TMEM135: variants seen among roughly 807,000 people sequenced by gnomAD.
The protein encoded by TMEM135 is peroxisomal membrane protein 52.
A neutral mutation model predicts 60.3 loss-of-function variants in TMEM135; 30 were observed. The observed-to-expected ratio is 0.50, with a 90% confidence interval of 0.37 to 0.68. The LOEUF (loss-of-function observed/expected upper bound fraction) is 0.68, where lower values mean the gene tolerates loss of function less well. Ranked by LOEUF, TMEM135 falls within the 30% of genes least tolerant of loss-of-function variation. The pLI is 0.00. For missense variants in TMEM135, 468 were observed against 548.8 expected (o/e 0.85, Z 1.47); for synonymous variants, 190 against 186.7 (o/e 1.02, Z -0.14).
At chr11:87,038,551 C>T (rs902116498) in intron 1 of TMEM135, among the ~76,000 whole-genome samples, 1 of 149,314 alleles carries the variant, frequency 6.7e-6, no homozygotes, top group Non-Finnish European at 1.5e-5. Flanking sequence ...TGTAGGTCAG[C>T]GAGGCTATGA....
At chr11:87,135,899 T>C (rs1402316896) in intron 4 of TMEM135, among the ~76,000 whole-genome samples, 1 of 152,068 alleles carries the variant, frequency 6.6e-6, no homozygotes, top group African/African-American at 2.4e-5. Flanking sequence ...TATTTATGTT[T>C]TCTTTAATTT....
intron 1 of TMEM135, among the ~76,000 whole-genome samples, chr11:87,064,654 G>T (rs534286600): frequency 6.6e-6 from 1 of 152,174 alleles, no homozygotes; most frequent in Non-Finnish European, 1.5e-5. Context: ...AGGCCGAGGT[G>T]GGCGGATCGC....
At chr11:87,176,135 C>T (rs1322815762) in intron 5 of TMEM135, among the ~76,000 whole-genome samples, 1 of 151,960 alleles carries the variant, frequency 6.6e-6, no homozygotes, top group Non-Finnish European at 1.5e-5. Context: ...GGAGGTGGGG[C>T]CTAATGGGAG....
At chr11:87,318,716 G>A (rs1942772498) in intron 13 of TMEM135, among the ~76,000 whole-genome samples, 1 of 152,032 alleles carries the variant, frequency 6.6e-6, no homozygotes, top group Non-Finnish European at 1.5e-5. Flanking sequence ...TGTTAGGGCT[G>A]TTGTAAAATT....
intron 5 of TMEM135, among the ~76,000 whole-genome samples, chr11:87,178,760 C>CT (rs1053132413): frequency 1.6e-4 from 24 of 151,736 alleles, no homozygotes; most frequent in Non-Finnish European, 3.2e-4. Context: ...CATATCAGTA[C>CT]TTTTTTTTTC....
At chr11:87,172,500 T>G (rs1297477929) in intron 5 of TMEM135, among the ~76,000 whole-genome samples, 3 of 152,068 alleles carry the variant, frequency 2.0e-5, no homozygotes, top group Non-Finnish European at 4.4e-5. Flanking sequence ...GAATGGATTT[T>G]TTTTAAACCT....
chr11:87,142,176 C>G lies in TMEM135; in HGVS notation c.397-15165C>G, dbSNP rs78042830. 4.3e-3 allele frequency among the ~76,000 whole-genome samples: 652 copies of G among 152,274 alleles called. 6 individuals carry two copies. The highest frequency in any genetic ancestry group is 0.015 in the African/African-American group (624 of 41,550). On this transcript the variant is annotated intron_variant, in intron 4 of 14. Transcript: ENST00000305494. ...TGGTCTGTAGAAGAGTCCACTCTTG[C>G]CAGAGCATGGATGAGCTCGAGCAGG...
chr11:87,094,034 T>A (rs897798269), intron 4 of TMEM135, among the ~76,000 whole-genome samples: 1 of 152,198 alleles, frequency 6.6e-6, no homozygotes, highest in Non-Finnish European at 1.5e-5. Context: ...ATTCATTTCT[T>A]CATATGATTT....
chr11:87,140,534 A>G (rs1938233586), intron 4 of TMEM135, among the ~76,000 whole-genome samples: 1 of 152,212 alleles, frequency 6.6e-6, no homozygotes, highest in Non-Finnish European at 1.5e-5. Context: ...GGTCCCTGGT[A>G]CAAGGAGAGG....
At chr11:87,149,497 A>G (rs530416683) in intron 4 of TMEM135, among the ~76,000 whole-genome samples, 1 of 152,158 alleles carries the variant, frequency 6.6e-6, no homozygotes. Flanking sequence ...TTATATTTGC[A>G]CCTGCTTTCT....
chr11:87,183,270 G>A (rs1358080335), intron 5 of TMEM135, among the ~76,000 whole-genome samples: 1 of 151,170 alleles, frequency 6.6e-6, no homozygotes, highest in Non-Finnish European at 1.5e-5. Context: ...AGCCTCCTGA[G>A]TAGTTGGGAT....
chr11:87,144,202 TA>T (rs1172359396), intron 4 of TMEM135, among the ~76,000 whole-genome samples: 17 of 151,908 alleles, frequency 1.1e-4, no homozygotes, highest in Admixed American at 1.0e-3. Context: ...TATTGCTTAT[TA>T]AAAAAAACAA....
chr11:87,182,936 G>A (rs1939555484), intron 5 of TMEM135, among the ~76,000 whole-genome samples: 2 of 151,840 alleles, frequency 1.3e-5, no homozygotes, highest in African/African-American at 2.4e-5. Flanking sequence ...TATGGTATTA[G>A]ATAGAATTTT....
At chr11:87,137,809 C>T (rs537703444) in intron 4 of TMEM135, among the ~76,000 whole-genome samples, 20 of 152,126 alleles carry the variant, frequency 1.3e-4, no homozygotes, top group South Asian at 2.1e-4. Context: ...TATGTTGTTA[C>T]GTCATGTCAC....
At chr11:87,133,652 A>G (rs1323222549) in intron 4 of TMEM135, among the ~76,000 whole-genome samples, 2 of 152,156 alleles carry the variant, frequency 1.3e-5, no homozygotes, top group African/African-American at 2.4e-5. Context: ...GAACATACCC[A>G]TTACTCTACA....
In TMEM135 at chr11:87,107,897, A is replaced by T. The variant is rs537748787; in HGVS notation, c.396+16502A>T. 4.6e-3 allele frequency among the ~76,000 whole-genome samples: 697 copies of T among 152,156 alleles called. 1 individual carries two copies. Among genetic ancestry groups the T allele is most frequent in the Non-Finnish European group, 7.8e-3 (531 of 68,006 alleles). On this transcript the variant is annotated intron_variant, in intron 4 of 14. Transcript: ENST00000305494. ...CCACCAACAGTGTAAAAGTGTTCCT[A>T]TTTCTCCACATCCTCTCCAGCACCT... is the stretch of plus-strand genomic sequence containing the variant.
At chr11:87,218,665 T>C (rs1018601605) in intron 5 of TMEM135, among the ~76,000 whole-genome samples, 1 of 152,156 alleles carries the variant, frequency 6.6e-6, no homozygotes, top group Non-Finnish European at 1.5e-5. Flanking sequence ...CACAGGGCTA[T>C]AAAAATGTGC....
chr11:87,234,005 AACTT>A, intron 5 of TMEM135, among the ~76,000 whole-genome samples: 1 of 152,266 alleles, frequency 6.6e-6, no homozygotes, highest in African/African-American at 2.4e-5. Flanking sequence ...ACTTTTTAAA[AACTT>A]AGCTAAAAAT....
At chr11:87,082,936 A>T (rs576829241) in intron 3 of TMEM135, among the ~76,000 whole-genome samples, 29 of 152,348 alleles carry the variant, frequency 1.9e-4, no homozygotes, top group African/African-American at 6.5e-4. Flanking sequence ...AAAGTATTTA[A>T]TGAGGTGAGA....
Sources: gnomAD v4.1 joint callset for allele counts (sites outside exome capture counted in the v4.1 genomes callset) on GRCh38, gnomAD v4.1.1 for gene constraint, MANE v1.5 for transcripts, NCBI Gene and HGNC (gene_info 2026-07-23, HGNC 2026-07-21) for gene names.